The following EXD1 variants were observed in gnomAD, a reference collection of about 807,000 sequenced individuals.
The protein encoded by EXD1 is piRNA biogenesis protein EXD1.
In EXD1, 63 loss-of-function variants were observed where a neutral mutation model predicts 49.1. The ratio of observed to expected loss-of-function variants is 1.28; its 90% CI spans 1.05 to 1.58. The LOEUF is 1.58. Among genes scored for constraint, EXD1 ranks in the 40% most tolerant of loss-of-function variants. EXD1 has a pLI of 0.00. For missense variants in EXD1, 748 were observed against 666.0 expected (o/e 1.12, Z -1.36); for synonymous variants, 234 against 239.2 (o/e 0.98, Z 0.20).
chr15:41,197,037 C>T (rs1411473016), intron 7 of EXD1, among the ~76,000 whole-genome samples: 1 of 151,942 alleles, frequency 6.6e-6, no homozygotes, highest in Non-Finnish European at 1.5e-5. Context: ...GTTGCCCAGG[C>T]TGGTTTCAAA....
chr15:41,214,505 T>G (rs972621993), intron 6 of EXD1, among the ~76,000 whole-genome samples: 8 of 142,834 alleles, frequency 5.6e-5, no homozygotes, highest in Non-Finnish European at 7.5e-5. Context: ...AAGGCGAGAC[T>G]CCATCTCAAA....
intron 11 of EXD1, 55 bp from the exon 12 acceptor site, chr15:41,184,648 C>T: frequency 7.2e-7 from 1 of 1,391,790 alleles, no homozygotes. Context: ...GAATATGGTA[C>T]TTAAAATCAC....
At chr15:41,226,184 A>G (rs11070326) in intron 2 of EXD1, among the ~76,000 whole-genome samples, 42,648 of 150,870 alleles carry the variant, frequency 0.28, 8,216 homozygotes, top group African/African-American at 0.55. Context: ...CCCGGGAGGC[A>G]GAGCTTGCAG....
intron 11 of EXD1, 127 bp downstream of exon 11, chr15:41,189,810 C>T: frequency 1.1e-6 from 1 of 876,812 alleles, no homozygotes; most frequent in Non-Finnish European, 1.8e-6. Flanking sequence ...GCTGTTGCCC[C>T]TTCAAGAGTA....
chr15:41,192,594 A>ATTTTTTTTTTTTTTTTTTTTTT lies in EXD1; in HGVS notation c.721-1031_721-1010dup, dbSNP rs59054803. ...ACAGGCGTGAACCACTGCGCCAGGC[A>ATTTTTTTTTTTTTTTTTTTTTT]TTTTTTTTTTTTTTTTTTTTTTTTT... On this transcript the variant is annotated intron_variant, in intron 9 of 11. Coordinates refer to ENST00000458580, the MANE Select transcript of EXD1 (RefSeq NM_001286441.2). 3.9e-4 allele frequency among the ~76,000 whole-genome samples: 16 copies of ATTTTTTTTTTTTTTTTTTTTTT among 40,838 alleles called. 8 individuals are homozygous for ATTTTTTTTTTTTTTTTTTTTTT. Among genetic ancestry groups the ATTTTTTTTTTTTTTTTTTTTTT allele is most frequent in the Non-Finnish European group, 2.2e-4 (4 of 18,058 alleles). The allele number at this position is 40,838 out of a possible 152,430, so 26.8% of individuals were successfully genotyped here.
intron 9 of EXD1, among the ~76,000 whole-genome samples, chr15:41,192,790 A>ATTT (rs57676752): frequency 8.0e-5 from 6 of 74,748 alleles, no homozygotes; most frequent in Non-Finnish European, 1.4e-4. Context: ...TATTCTTAAG[A>ATTT]TTTTTTTTTT....
chr15:41,201,758 G>C (rs898791133), intron 7 of EXD1, among the ~76,000 whole-genome samples: 9 of 152,086 alleles, frequency 5.9e-5, no homozygotes, highest in Non-Finnish European at 1.2e-4. Context: ...AAAGTGCTTG[G>C]ATTAGAGGCC....
chr15:41,211,543 T>A (rs2046921141), intron 6 of EXD1, among the ~76,000 whole-genome samples: 1 of 151,948 alleles, frequency 6.6e-6, no homozygotes, highest in South Asian at 2.1e-4. Context: ...AGCAAAAGGT[T>A]TGGGCAGGGT....
In EXD1 at chr15:41,230,654, G is replaced by T. The variant is rs1259958767; in HGVS notation, c.-229C>A. On this transcript the variant is annotated 5_prime_UTR_variant, in exon 1 of 12. Transcript: ENST00000458580. ...CTCGGGACGCTCCACGCCACCCGGC[G>T]GCGGTTATCAAATCACAGGCTGAAA... The T allele has an allele frequency of 3.2e-6, 4 of 1,236,652 alleles. No individual in the cohort carries two copies. Among genetic ancestry groups the T allele is most frequent in the Admixed American group, 2.3e-5 (1 of 42,630 alleles). 76.6% of individuals were successfully genotyped at this position (1,236,652 alleles called of 1,614,324 possible). A position where few individuals can be genotyped will look rare whatever the true frequency, so the allele number is the denominator to read the frequency against.
intron 1 of EXD1, among the ~76,000 whole-genome samples, chr15:41,230,232 C>T (rs559454393): frequency 9.2e-5 from 14 of 151,818 alleles, no homozygotes; most frequent in Non-Finnish European, 1.8e-4. Context: ...TACAGGCACG[C>T]GGCACCACAC....
chr15:41,216,006 A>G lies in EXD1; in HGVS notation c.389-173T>C, dbSNP rs370180550. On this transcript the variant is annotated intron_variant, in intron 5 of 11. Transcript: ENST00000458580. ...CTCTTCCTTTTTTTTCCTCCTTAGC[A>G]TTTGGCACTATTACAGTATATATTT... 4.6e-5 allele frequency among the ~76,000 whole-genome samples: 7 copies of G among 151,998 alleles called. 1 individual carries two copies.
intron 9 of EXD1, among the ~76,000 whole-genome samples, chr15:41,193,533 G>A (rs1250496831): frequency 6.6e-6 from 1 of 152,082 alleles, no homozygotes; most frequent in African/African-American, 2.4e-5. Flanking sequence ...GAGGTCGGGA[G>A]TTCAAGACCA....
chr15:41,196,992 T>G (rs1346986199), intron 7 of EXD1, among the ~76,000 whole-genome samples: 1 of 151,762 alleles, frequency 6.6e-6, no homozygotes, highest in African/African-American at 2.4e-5. Flanking sequence ...GCCCAGCTAA[T>G]TTTTGTATTT....
intron 6 of EXD1, among the ~76,000 whole-genome samples, chr15:41,215,503 G>A (rs1487352652): frequency 1.3e-5 from 2 of 152,040 alleles, no homozygotes; most frequent in Non-Finnish European, 2.9e-5. Flanking sequence ...TGGCTAACAC[G>A]GTGAAACACT....
intron 7 of EXD1, among the ~76,000 whole-genome samples, chr15:41,204,812 C>T (rs2046797676): frequency 6.6e-6 from 1 of 152,152 alleles, no homozygotes; most frequent in African/African-American, 2.4e-5. Context: ...AACTTTCCCT[C>T]TGCCTCTGTA....
chr15:41,217,355 T>C (rs2047016302), intron 3 of EXD1, among the ~76,000 whole-genome samples: 1 of 152,272 alleles, frequency 6.6e-6, no homozygotes, highest in African/African-American at 2.4e-5. Context: ...CAGTATTCTA[T>C]CCCTACAAAG....
rs138361002 is a variant in EXD1, at chr15:41,206,261, G to C, written c.534+3240C>G. 8.5e-3 allele frequency among the ~76,000 whole-genome samples: 1,297 copies of C among 152,114 alleles called. 11 individuals carry two copies. Among genetic ancestry groups the C allele is most frequent in the Middle Eastern group, 0.014 (4 of 294 alleles). On this transcript the variant is annotated intron_variant, in intron 7 of 11. Transcript: ENST00000458580. The stretch of plus-strand genomic sequence containing the variant: ...AAGGCAGGCAGATCACTTGAGGTTA[G>C]AAGTTCAAGACCAGCCTGGCCAACA...
intron 7 of EXD1, among the ~76,000 whole-genome samples, chr15:41,197,156 T>C (rs2046626890): frequency 1.3e-5 from 2 of 152,044 alleles, no homozygotes; most frequent in African/African-American, 4.8e-5. Context: ...AGGTACTTGA[T>C]TCTTAGAGAA....
At chr15:41,190,945 ACT>A (rs2046504540) in intron 10 of EXD1, among the ~76,000 whole-genome samples, 1 of 151,614 alleles carries the variant, frequency 6.6e-6, no homozygotes, top group Non-Finnish European at 1.5e-5. Context: ...ACAGAGTCTC[ACT>A]CTGTTGCCCA....
Sources: allele counts gnomAD v4.1 joint callset (sites outside exome capture counted in the v4.1 genomes callset), GRCh38; gene constraint gnomAD v4.1.1; transcripts MANE v1.5; gene names NCBI Gene and HGNC (gene_info 2026-07-23, HGNC 2026-07-21).